The following ELMO1 variants were observed in gnomAD, a reference collection of about 807,000 sequenced individuals.
ELMO1 encodes the protein engulfment and cell motility 1.
Under a neutral mutation model 98.9 loss-of-function variants are expected in ELMO1, and 26 were observed. That is an observed-to-expected ratio of 0.26 (90% CI 0.19 to 0.36). The LOEUF (loss-of-function observed/expected upper bound fraction) is 0.36, where lower values mean the gene tolerates loss of function less well. Among genes scored for constraint, ELMO1 ranks in the 10% least tolerant of loss-of-function variants. The pLI, the probability that ELMO1 is intolerant of heterozygous loss-of-function variation, is 1.00. For missense variants in ELMO1, 627 were observed against 935.2 expected, an observed-to-expected ratio of 0.67 and a Z score of 4.30; for synonymous variants, 346 against 346.0, an observed-to-expected ratio of 1.00 and a Z score of 0.00.
rs1803439443 is a variant in ELMO1, at chr7:36,870,794, A to G, written c.1823-319T>C. On this transcript the variant is annotated intron_variant, in intron 19 of 21. Transcript: ENST00000310758. The surrounding 1 kb of genome is among the most constrained non-coding windows in gnomAD (Gnocchi z 4.4). ...AAGTCATGGCATTAGAAGCAGCAGT[A>G]GAAATAACAGTGATTGTAATAACAA... Among the ~76,000 whole-genome samples the G allele has an allele frequency of 2.0e-5, 3 of 152,246 alleles. No individual in the cohort carries two copies. The South Asian group carries it at 6.2e-4, about 32-fold the overall frequency.
intron 16 of ELMO1, among the ~76,000 whole-genome samples, chr7:36,936,615 G>A (rs1786554698): frequency 6.6e-6 from 1 of 152,052 alleles, no homozygotes; most frequent in Non-Finnish European, 1.5e-5. Context: ...GCACCATCAT[G>A]CCTGGCTAAT....
intron 16 of ELMO1, among the ~76,000 whole-genome samples, chr7:36,965,643 T>A (rs2129126185): frequency 6.6e-6 from 1 of 152,304 alleles, no homozygotes; most frequent in Admixed American, 6.5e-5. Flanking sequence ...TGCAAAAGAA[T>A]CCTGTCTCTA....
rs139634996 is a variant in ELMO1, at chr7:36,964,285, C to T, written c.1437+49014G>A. On this transcript the variant is annotated intron_variant, in intron 16 of 21. Transcript: ENST00000310758. ...AGTTGAAAATTCACGTAATGCTGAA[C>T]ATCATAGCTTAGCATAGCCTACCTT... Among the ~76,000 whole-genome samples the T allele has an allele frequency of 1.1e-3, 161 of 152,294 alleles. 3 individuals carry two copies. In the East Asian group the frequency reaches 0.018, roughly 17 times the overall value.
rs145068618 is a variant in ELMO1 at position 37,369,833 on chromosome 7, C to T, written c.-73-27070G>A. Among the ~76,000 whole-genome samples, 328 of 152,156 alleles carry T rather than the reference C, an allele frequency of 2.2e-3. 4 individuals are homozygous for T. Among genetic ancestry groups the T allele is most frequent in the African/African-American group, 7.5e-3 (311 of 41,516 alleles). The stretch of plus-strand genomic sequence containing the variant: ...ATCTTCAATGGTGGGGCTCAGAAAA[C>T]GCCCTGAAATATGGTGCTTTGACAT... On this transcript the variant is annotated intron_variant, in intron 1 of 21. Transcript: ENST00000310758.
chr7:37,372,499 A>G (rs1271392216), intron 1 of ELMO1, among the ~76,000 whole-genome samples: 1 of 152,234 alleles, frequency 6.6e-6, no homozygotes, highest in Non-Finnish European at 1.5e-5. Flanking sequence ...CTAAGTTCAC[A>G]AAGTCAAGCA....
intron 16 of ELMO1, among the ~76,000 whole-genome samples, chr7:36,899,481 A>C (rs979925875): frequency 2.6e-5 from 4 of 152,236 alleles, no homozygotes; most frequent in Admixed American, 1.3e-4. Context: ...TAGGAAGTAC[A>C]TGCTTCAAGC....
chr7:37,192,699 A>C (rs1791669881), intron 13 of ELMO1, among the ~76,000 whole-genome samples: 1 of 149,592 alleles, frequency 6.7e-6, no homozygotes, highest in Admixed American at 6.7e-5. Context: ...TCAGAAGGCT[A>C]AGGTGGGAGG....
chr7:36,956,396 T>C (rs755206625), intron 16 of ELMO1, among the ~76,000 whole-genome samples: 1 of 152,216 alleles, frequency 6.6e-6, no homozygotes, highest in Non-Finnish European at 1.5e-5. Context: ...CTTGTCTTTT[T>C]TGAAATAAAA....
chr7:36,991,993 C>A (rs1039464314), intron 16 of ELMO1, among the ~76,000 whole-genome samples: 1 of 152,202 alleles, frequency 6.6e-6, no homozygotes, highest in African/African-American at 2.4e-5. Flanking sequence ...GCTCCCCAAG[C>A]AAGCAGCTGG....
chr7:36,866,343 T>C (rs1428296097), intron 20 of ELMO1, among the ~76,000 whole-genome samples: 1 of 152,176 alleles, frequency 6.6e-6, no homozygotes, highest in African/African-American at 2.4e-5. Flanking sequence ...ATTTCTTGTC[T>C]CCGTAAAAAT....
intron 1 of ELMO1, among the ~76,000 whole-genome samples, chr7:37,420,172 A>T (rs1804410434): frequency 6.6e-6 from 1 of 150,726 alleles, no homozygotes; most frequent in South Asian, 2.1e-4. Context: ...GCCTCCCAGC[A>T]AGGCTGCAGC....
At chr7:36,952,963 T>C (rs895590554) in intron 16 of ELMO1, among the ~76,000 whole-genome samples, 3 of 139,784 alleles carry the variant, frequency 2.1e-5, no homozygotes, top group Admixed American at 1.4e-4. Context: ...AAGTCACTAC[T>C]CTTTTTTTTT....
intron 16 of ELMO1, among the ~76,000 whole-genome samples, chr7:36,946,913 T>C (rs536158731): frequency 6.6e-6 from 1 of 152,388 alleles, no homozygotes; most frequent in South Asian, 2.1e-4. Context: ...TTCAGCAAAA[T>C]TTAAAAATAA....
intron 10 of ELMO1, among the ~76,000 whole-genome samples, chr7:37,216,934 C>CTTT (rs1429217775): frequency 6.6e-6 from 1 of 152,182 alleles, no homozygotes; most frequent in African/African-American, 2.4e-5. Context: ...AACTTCTTTT[C>CTTT]TTTAGGAATT....
At chr7:37,350,917 G>T (rs1801235349) in intron 1 of ELMO1, among the ~76,000 whole-genome samples, 1 of 152,176 alleles carries the variant, frequency 6.6e-6, no homozygotes, top group South Asian at 2.1e-4. Flanking sequence ...CCCTCAGAAG[G>T]AACCAACACT....
chr7:37,091,327 G>T (rs1009070605), intron 15 of ELMO1, among the ~76,000 whole-genome samples: 20 of 152,032 alleles, frequency 1.3e-4, no homozygotes. Context: ...GGCTGGTCTC[G>T]AACTCCTGAC....
intron 15 of ELMO1, among the ~76,000 whole-genome samples, chr7:37,092,096 T>C (rs554675506): frequency 2.6e-5 from 4 of 152,194 alleles, no homozygotes; most frequent in Non-Finnish European, 2.9e-5. Context: ...TATGGGGATA[T>C]GTGACCACAT....
chr7:37,196,057 T>TG (rs1439468174), intron 13 of ELMO1, among the ~76,000 whole-genome samples: 2 of 152,172 alleles, frequency 1.3e-5, no homozygotes, highest in African/African-American at 4.8e-5. Context: ...TGAAAATACT[T>TG]GCTTTCCCTC....
chr7:36,959,672 G>T (rs1788775218), intron 16 of ELMO1, among the ~76,000 whole-genome samples: 1 of 152,062 alleles, frequency 6.6e-6, no homozygotes, highest in Non-Finnish European at 1.5e-5. Context: ...TTTTCAAAAA[G>T]TTTCTCTAAT....
Sources: allele counts gnomAD v4.1 joint callset (sites outside exome capture counted in the v4.1 genomes callset), GRCh38; gene constraint gnomAD v4.1.1; non-coding constraint Gnocchi (gnomAD v3.1); transcripts MANE v1.5; gene names NCBI Gene and HGNC (gene_info 2026-07-23, HGNC 2026-07-21).